PMS1: variants seen among roughly 807,000 people sequenced by gnomAD.
PMS1 encodes the protein PMS1 protein homolog 1.
In PMS1, 79 loss-of-function variants were observed where a neutral mutation model predicts 93.1. The ratio of observed to expected loss-of-function variants is 0.85; its 90% CI spans 0.71 to 1.02. The LOEUF (loss-of-function observed/expected upper bound fraction) is 1.02, where lower values mean the gene tolerates loss of function less well. Among genes scored for constraint, PMS1 ranks in the 50% least tolerant of loss-of-function variants. The pLI is 0.00. For missense variants in PMS1, 1,064 were observed against 1,085.3 expected, an observed-to-expected ratio of 0.98 and a Z score of 0.28; for synonymous variants, 335 against 363.4, an observed-to-expected ratio of 0.92 and a Z score of 0.89.
intron 1 of PMS1, among the ~76,000 whole-genome samples, chr2:189,791,524 G>A (rs1559209343): frequency 6.6e-6 from 1 of 151,962 alleles, no homozygotes; most frequent in Non-Finnish European, 1.5e-5. Context: ...GGAGGCTGGG[G>A]CAGGGGTGGC....
intron 11 of PMS1, among the ~76,000 whole-genome samples, chr2:189,872,584 A>G (rs1304541527): frequency 6.6e-6 from 1 of 152,200 alleles, no homozygotes; most frequent in Non-Finnish European, 1.5e-5. Flanking sequence ...GTTATGGATT[A>G]TGTACCCAGT....
At chr2:189,812,819 G>T (rs2050959669) in intron 4 of PMS1, among the ~76,000 whole-genome samples, 1 of 152,196 alleles carries the variant, frequency 6.6e-6, no homozygotes, top group African/African-American at 2.4e-5. Flanking sequence ...TGACATGACA[G>T]AATTCAGTGT....
chr2:189,799,518 C>T (rs1294742516), intron 3 of PMS1, among the ~76,000 whole-genome samples: 1 of 152,178 alleles, frequency 6.6e-6, no homozygotes, highest in Non-Finnish European at 1.5e-5. Flanking sequence ...TGTTCTTGAA[C>T]TTGATATAAA....
At chr2:189,836,430 ATG>A (rs112043699) in intron 5 of PMS1, among the ~76,000 whole-genome samples, 1 of 152,254 alleles carries the variant, frequency 6.6e-6, no homozygotes, top group African/African-American at 2.4e-5. Flanking sequence ...TTTTTAGCAC[ATG>A]TTAAGCTTTC....
intron 9 of PMS1, among the ~76,000 whole-genome samples, chr2:189,859,049 G>T (rs137869009): frequency 1.6e-3 from 240 of 152,196 alleles, no homozygotes; most frequent in African/African-American, 5.7e-3. Flanking sequence ...GTTAGTGTTT[G>T]AAGAGTATGA....
intron 2 of PMS1, among the ~76,000 whole-genome samples, chr2:189,793,399 A>G (rs2049066758): frequency 6.6e-6 from 1 of 152,204 alleles, no homozygotes; most frequent in Non-Finnish European, 1.5e-5. Context: ...TGGGTTATGG[A>G]ACACACTTTG....
chr2:189,851,781 G>T (rs2054758338), intron 6 of PMS1, among the ~76,000 whole-genome samples: 1 of 152,162 alleles, frequency 6.6e-6, no homozygotes, highest in Admixed American at 6.5e-5. Flanking sequence ...TCTGATAAGA[G>T]ATTTTAAGCC....
intron 3 of PMS1, among the ~76,000 whole-genome samples, chr2:189,801,391 C>T (rs2049875407): frequency 6.6e-6 from 1 of 152,104 alleles, no homozygotes. Context: ...AGCACAGTGA[C>T]TGGGTTGAAA....
chr2:189,852,002 T>C (rs1042965462), intron 6 of PMS1, among the ~76,000 whole-genome samples: 1 of 152,182 alleles, frequency 6.6e-6, no homozygotes, highest in African/African-American at 2.4e-5. Context: ...CTAGTATCCT[T>C]CTTCATTTTC....
At chr2:189,834,710 T>C (rs1475841680) in intron 5 of PMS1, among the ~76,000 whole-genome samples, 1 of 152,216 alleles carries the variant, frequency 6.6e-6, no homozygotes, top group Non-Finnish European at 1.5e-5. Flanking sequence ...TACCTTTACA[T>C]TTTTATTAAT....
At chr2:189,828,160 G>A (rs1575167392) in intron 5 of PMS1, among the ~76,000 whole-genome samples, 1 of 152,038 alleles carries the variant, frequency 6.6e-6, no homozygotes, top group South Asian at 2.1e-4. Flanking sequence ...TCCTGACCTC[G>A]TGATCTGCCC....
chr2:189,798,686 A>G (rs775499586), intron 3 of PMS1, among the ~76,000 whole-genome samples: 2 of 151,164 alleles, frequency 1.3e-5, no homozygotes, highest in Non-Finnish European at 2.9e-5. Flanking sequence ...TGAATCTGCC[A>G]GTACTATTTA....
At position 189,791,997 on chromosome 2, in the gene PMS1, A is replaced by G. The variant is rs1186080394; in HGVS notation, c.132+56A>G. ...AAGACAAAGAAAAGGGTCTGGACAC[A>G]TGTTTTCTCCTTAAACTGTTACCTT... On this transcript the variant is annotated intron_variant, in intron 2 of 12. Coordinates refer to ENST00000441310, the MANE Select transcript of PMS1 (RefSeq NM_000534.5). The G allele has an allele frequency of 2.0e-6, 3 of 1,494,272 alleles. No individual in the cohort carries two copies. The East Asian group carries it at 6.8e-5, about 34-fold the overall frequency. 92.6% of individuals were successfully genotyped at this position (1,494,272 alleles called of 1,614,324 possible).
intron 3 of PMS1, among the ~76,000 whole-genome samples, chr2:189,805,442 C>T (rs2050248514): frequency 6.6e-6 from 1 of 152,080 alleles, no homozygotes; most frequent in Non-Finnish European, 1.5e-5. Context: ...ATACTCAAAA[C>T]AGTAATTTGC....
chr2:189,819,172 GATA>G (rs1218647061), intron 5 of PMS1, among the ~76,000 whole-genome samples: 1 of 152,158 alleles, frequency 6.6e-6, no homozygotes, highest in Non-Finnish European at 1.5e-5. Context: ...TTTCACTTAA[GATA>G]ATGACTTCCA....
At chr2:189,828,694 T>G (rs2052658587) in intron 5 of PMS1, among the ~76,000 whole-genome samples, 1 of 152,194 alleles carries the variant, frequency 6.6e-6, no homozygotes, top group Non-Finnish European at 1.5e-5. Flanking sequence ...TTCACTGTAA[T>G]AAATAAGCTC....
intron 9 of PMS1, among the ~76,000 whole-genome samples, chr2:189,860,013 C>G (rs1236561866): frequency 2.0e-5 from 3 of 152,100 alleles, no homozygotes; most frequent in Non-Finnish European, 2.9e-5. Context: ...TGGAATTGAT[C>G]CATTTCTTTA....
At chr2:189,838,428 CCAGAGACT>C (rs1374210700) in intron 5 of PMS1, among the ~76,000 whole-genome samples, 4 of 152,100 alleles carry the variant, frequency 2.6e-5, no homozygotes, top group Non-Finnish European at 2.9e-5. Context: ...GTTCTTGGTA[CCAGAGACT>C]CAACACTCAA....
At chr2:189,867,381 A>T (rs901512213) in intron 10 of PMS1, among the ~76,000 whole-genome samples, 1 of 152,226 alleles carries the variant, frequency 6.6e-6, no homozygotes, top group Non-Finnish European at 1.5e-5. Context: ...TAGTTCCTAG[A>T]AGAAAGAGAT....
Sources: gnomAD v4.1 joint callset for allele counts (sites outside exome capture counted in the v4.1 genomes callset) on GRCh38, gnomAD v4.1.1 for gene constraint, MANE v1.5 for transcripts, NCBI Gene and HGNC (gene_info 2026-07-23, HGNC 2026-07-21) for gene names.